The following FAM193A variants were observed in gnomAD, a reference collection of about 807,000 sequenced individuals.
The protein encoded by FAM193A is protein FAM193A.
FAM193A carries 22 observed loss-of-function variants against 126.5 expected under a neutral mutation model. The observed-to-expected ratio is 0.17, with a 90% CI of 0.12 to 0.25. FAM193A has a LOEUF of 0.25. Ranked by LOEUF, FAM193A falls within the 10% of genes least tolerant of loss-of-function variation. The pLI is 1.00. For synonymous variants in FAM193A, 761 were observed against 646.8 expected (o/e 1.18, Z -2.68); for missense variants, 1,675 against 1,672.8 (o/e 1.00, Z -0.02).
intron 20 of FAM193A, among the ~76,000 whole-genome samples, chr4:2,717,515 GAACCTGGGAGGCACAGGT>G (rs1719673452): frequency 6.7e-6 from 1 of 150,152 alleles, no homozygotes; most frequent in Admixed American, 6.7e-5. Flanking sequence ...AGAATTGCTT[GAACCTGGGAGGCACAGGT>G]TGCAGTGAGC....
At chr4:2,570,416 G>T (rs1278548169) in intron 1 of FAM193A, among the ~76,000 whole-genome samples, 1 of 152,182 alleles carries the variant, frequency 6.6e-6, no homozygotes, top group Non-Finnish European at 1.5e-5. Flanking sequence ...AATCGCTGCA[G>T]TGAGCTTTGG....
At chr4:2,617,240 T>TTTTATATATATATATATATATTTTA (rs377206444) in intron 2 of FAM193A, among the ~76,000 whole-genome samples, 5 of 35,246 alleles carry the variant, frequency 1.4e-4, no homozygotes, top group African/African-American at 1.4e-3. Flanking sequence ...TATGTTTTTA[T>TTTTATATATATATATATATATTTTA]TATATATATA....
intron 1 of FAM193A, among the ~76,000 whole-genome samples, chr4:2,563,706 C>T (rs771937235): frequency 6.6e-6 from 1 of 152,180 alleles, no homozygotes; most frequent in Non-Finnish European, 1.5e-5. Flanking sequence ...AAAATGATCT[C>T]AGCAGAACTG....
At chr4:2,692,695 AG>A (rs1338210052) in intron 15 of FAM193A, among the ~76,000 whole-genome samples, 1 of 152,206 alleles carries the variant, frequency 6.6e-6, no homozygotes, top group Non-Finnish European at 1.5e-5. Context: ...AAAAGAGAAA[AG>A]GGTTGGAAGA....
At chr4:2,643,547 A>AC (rs3216206) in intron 6 of FAM193A, among the ~76,000 whole-genome samples, 127,488 of 152,150 alleles carry the variant, frequency 0.84, 53,952 homozygotes, top group African/African-American at 0.96. Flanking sequence ...CAGTAACTCT[A>AC]CCATTAAACA....
intron 1 of FAM193A, among the ~76,000 whole-genome samples, chr4:2,541,148 TA>T (rs1208802221): frequency 1.3e-5 from 2 of 151,822 alleles, no homozygotes; most frequent in African/African-American, 4.8e-5. Flanking sequence ...CGCATGCCTG[TA>T]ATCCTAGCTA....
chr4:2,651,034 A>G (rs868517632), intron 7 of FAM193A, among the ~76,000 whole-genome samples: 2 of 152,164 alleles, frequency 1.3e-5, no homozygotes, highest in South Asian at 2.1e-4. Flanking sequence ...TCACACTGCT[A>G]TAAAGAACTA....
At chr4:2,713,518 C>T (rs1261067563) in intron 19 of FAM193A, among the ~76,000 whole-genome samples, 1 of 152,188 alleles carries the variant, frequency 6.6e-6, no homozygotes, top group Admixed American at 6.5e-5. Flanking sequence ...CTGTGTACCC[C>T]CTCGTGGCCT....
chr4:2,664,219 A>G (rs1283655681), intron 12 of FAM193A, among the ~76,000 whole-genome samples: 1 of 152,186 alleles, frequency 6.6e-6, no homozygotes, highest in African/African-American at 2.4e-5. Context: ...TAGAAGATTT[A>G]TAATTTTAGT....
chr4:2,721,335 AAAAAAAG>A lies in FAM193A; in HGVS notation c.4454+5232_4454+5238del, dbSNP rs1357619399. ...CTCAAAAAAAAAAAAAAAAAAAAAA[AAAAAAAG>A]CCAGGCATGGTGGTACATGCCTGTA... On this transcript the variant is annotated intron_variant, in intron 20 of 20. Coordinates refer to ENST00000637812, the MANE Select transcript of FAM193A (RefSeq NM_001366318.2). Among the ~76,000 whole-genome samples the A allele has an allele frequency of 7.4e-3, 1,034 of 140,664 alleles. 13 individuals are homozygous for A. Among genetic ancestry groups the A allele is most frequent in the African/African-American group, 0.026 (973 of 37,858 alleles). 92.3% of individuals were successfully genotyped at this position (140,664 alleles called of 152,430 possible). A position where few individuals can be genotyped will look rare whatever the true frequency, so the allele number is the denominator to read the frequency against.
Position 2,689,667 on chromosome 4 carries a change from C to A in FAM193A, c.2493C>A (p.Asn831Lys). 1 of 1,571,112 alleles carries A rather than the reference C, an allele frequency of 6.4e-7. No individual in the cohort carries two copies. Among genetic ancestry groups the A allele is most frequent in the Non-Finnish European group, 8.6e-7 (1 of 1,166,616 alleles). Reference protein sequence around the residue: ...LWGSEVMNDKNWNPGTFLPDT... With the variant: ...LWGSEVMNDKKWNPGTFLPDT... ...GATCAGAAGTGATGAATGATAAGAA[C>A]TGGAATCCTGGCACTTTCTTGCCAG... The change falls in exon 14 of 21, where the codon AAC (asparagine) becomes AAA (lysine). Residue 831 changes from asparagine to lysine, a missense_variant. Transcript: ENST00000637812.
At chr4:2,544,818 T>C (rs1737448075) in intron 1 of FAM193A, among the ~76,000 whole-genome samples, 1 of 152,046 alleles carries the variant, frequency 6.6e-6, no homozygotes, top group Non-Finnish European at 1.5e-5. Flanking sequence ...TACAGTGAGC[T>C]GTGGTTGTAC....
intron 1 of FAM193A, among the ~76,000 whole-genome samples, chr4:2,552,713 A>G (rs992085229): frequency 6.7e-6 from 1 of 149,990 alleles, no homozygotes; most frequent in African/African-American, 2.5e-5. Flanking sequence ...AATTTTTTGT[A>G]TTTTTAGTAG....
chr4:2,721,445 G>A (rs1249648893), intron 20 of FAM193A, among the ~76,000 whole-genome samples: 2 of 151,210 alleles, frequency 1.3e-5, no homozygotes, highest in Non-Finnish European at 2.9e-5. Context: ...CTATGCTTAC[G>A]CCACCTCACT....
At chr4:2,561,215 C>G (rs1208880913) in intron 1 of FAM193A, among the ~76,000 whole-genome samples, 1 of 152,190 alleles carries the variant, frequency 6.6e-6, no homozygotes, top group Middle Eastern at 3.2e-3. Flanking sequence ...GGATCTCGCT[C>G]TGTTGCCCAG....
intron 20 of FAM193A, among the ~76,000 whole-genome samples, chr4:2,716,385 G>C (rs760477863): frequency 6.7e-6 from 1 of 149,082 alleles, no homozygotes; most frequent in African/African-American, 2.4e-5. Flanking sequence ...ACTGGCTGTT[G>C]CGCTTCTGAG....
At chr4:2,588,180 C>T (rs1374471006) in intron 1 of FAM193A, among the ~76,000 whole-genome samples, 2 of 152,188 alleles carry the variant, frequency 1.3e-5, no homozygotes, top group African/African-American at 4.8e-5. Flanking sequence ...TCCGCATTGA[C>T]GGAGCTCGAG....
rs757656102 is a variant in FAM193A, at chr4:2,696,460, A to G, written c.3374A>G (p.Asp1125Gly). 1.2e-6 allele frequency: 2 copies of G among 1,614,198 alleles called. No homozygotes were observed. The highest frequency in any genetic ancestry group is 8.5e-7 in the Non-Finnish European group (1 of 1,179,994). The change falls in exon 18 of 21, where the codon GAC becomes GGC. Residue 1125 changes from aspartate (D) to glycine (G), a missense_variant. Asp to Gly is a moderately conservative substitution (Grantham distance 94). This residue lies in a region of FAM193A where 54 missense variants were observed against 114.8 expected (regional missense o/e 0.47). Coordinates refer to ENST00000637812, the MANE Select transcript of FAM193A (RefSeq NM_001366318.2). ...KRKEEQPKKMDQISERESVVD... is the reference protein window; with the variant it reads ...KRKEEQPKKMGQISERESVVD... ...AAAGAGGAGCAACCTAAAAAAATGGACCAGATCTCAGAAAGGGAAAGCGTC... is the reference window on the plus strand; with the variant it reads ...AAAGAGGAGCAACCTAAAAAAATGGGCCAGATCTCAGAAAGGGAAAGCGTC...
At chr4:2,625,126 T>A in intron 2 of FAM193A, 136 bp from the exon 3 acceptor site, 1 of 569,714 alleles carries the variant, frequency 1.8e-6, no homozygotes, top group Non-Finnish European at 3.1e-6. Flanking sequence ...AGCCACTGTA[T>A]CTGGCCAAGA....
Sources: gnomAD v4.1 joint callset for allele counts (sites outside exome capture counted in the v4.1 genomes callset) on GRCh38, gnomAD v4.1.1 for gene constraint, gnomAD v4.1.1 regional missense constraint, MANE v1.5 for transcripts, NCBI Gene and HGNC (gene_info 2026-07-23, HGNC 2026-07-21) for gene names.